Variants in AMMECR1 observed in about 807,000 individuals in gnomAD.
The protein encoded by AMMECR1 is nuclear protein AMMECR1.
AMMECR1 carries 3 observed loss-of-function variants against 22.5 expected under a neutral mutation model. The ratio of observed to expected loss-of-function variants is 0.13; its 90% CI spans 0.06 to 0.35. The LOEUF (loss-of-function observed/expected upper bound fraction) is 0.35, where lower values mean the gene tolerates loss of function less well. Among genes scored for constraint, AMMECR1 ranks in the 10% least tolerant of loss-of-function variants. The pLI, the probability that AMMECR1 is intolerant of heterozygous loss-of-function variation, is 1.00. For synonymous variants in AMMECR1, 130 were observed against 116.7 expected, an observed-to-expected ratio of 1.11 and a Z score of -0.74; for missense variants, 235 against 278.7, an observed-to-expected ratio of 0.84 and a Z score of 1.12.
chrX:110,339,972 A>T (rs1239519427), intron 2 of AMMECR1, among the ~76,000 whole-genome samples: 1 of 86,797 alleles, frequency 1.2e-5, no homozygotes, highest in Non-Finnish European at 2.1e-5. Context: ...AAGGCAAAAC[A>T]TACACACACA....
At chrX:110,426,179 T>C (rs1440405066) in intron 2 of AMMECR1, among the ~76,000 whole-genome samples, 4 of 112,464 alleles carry the variant, frequency 3.6e-5, no homozygotes, top group African/African-American at 1.3e-4. Flanking sequence ...GTGAGCAAAG[T>C]GTTTCAAATG....
At chrX:110,330,434 A>G (rs745831768) in intron 2 of AMMECR1, among the ~76,000 whole-genome samples, 4 of 111,671 alleles carry the variant, frequency 3.6e-5, no homozygotes, top group Non-Finnish European at 5.6e-5. Flanking sequence ...ACCCCTTCCA[A>G]TCCTCAAACT....
chrX:110,429,616 G>T (rs1039523980), intron 1 of AMMECR1, among the ~76,000 whole-genome samples: 1 of 109,917 alleles, frequency 9.1e-6, no homozygotes, highest in South Asian at 3.9e-4. Context: ...CCAAGTAGCT[G>T]GGATTACGGG....
At chrX:110,339,802 T>C (rs184350362) in intron 2 of AMMECR1, among the ~76,000 whole-genome samples, 1 of 112,058 alleles carries the variant, frequency 8.9e-6, no homozygotes, top group Non-Finnish European at 1.9e-5. Context: ...GGCCTGAACG[T>C]GATTTTATAA....
chrX:110,431,494 A>G (rs1332159472), intron 1 of AMMECR1, among the ~76,000 whole-genome samples: 1 of 109,760 alleles, frequency 9.1e-6, no homozygotes, highest in Non-Finnish European at 1.9e-5. Context: ...CTTTATATAA[A>G]CAATTTGCCT....
intron 1 of AMMECR1, among the ~76,000 whole-genome samples, chrX:110,284,892 GA>G (rs764766370): frequency 8.9e-6 from 1 of 112,006 alleles, no homozygotes; most frequent in East Asian, 2.8e-4. Context: ...TTGGAGCTAA[GA>G]AAATTCAAGC....
At chrX:110,250,134 A>ATT (rs2067679752) in intron 2 of AMMECR1, among the ~76,000 whole-genome samples, 2 of 112,344 alleles carry the variant, frequency 1.8e-5, no homozygotes, top group East Asian at 5.5e-4. Context: ...GTTCCTTGAA[A>ATT]TTGTATGCTT....
intron 2 of AMMECR1, among the ~76,000 whole-genome samples, chrX:110,377,941 G>A (rs1037321783): frequency 1.2e-4 from 12 of 101,032 alleles, no homozygotes; most frequent in Non-Finnish European, 2.4e-4. Flanking sequence ...CCCGGGAGGC[G>A]GAGCTTGCAG....
intron 1 of AMMECR1, among the ~76,000 whole-genome samples, chrX:110,270,290 GT>G (rs1465295929): frequency 3.6e-5 from 4 of 111,700 alleles, no homozygotes; most frequent in Non-Finnish European, 7.5e-5. Flanking sequence ...ATAGTTTAAA[GT>G]GTATATAACA....
intron 1 of AMMECR1, among the ~76,000 whole-genome samples, chrX:110,281,910 C>T (rs909674851): frequency 3.6e-5 from 4 of 112,283 alleles, no homozygotes; most frequent in Middle Eastern, 4.2e-3. Context: ...TCTTTTTGCA[C>T]GGTCCTATTC....
chrX:110,219,980 G>A (rs185819648), intron 2 of AMMECR1, among the ~76,000 whole-genome samples: 28 of 112,032 alleles, frequency 2.5e-4, no homozygotes, highest in African/African-American at 9.1e-4. Context: ...AAATACAGCT[G>A]GAGACTGACC....
chrX:110,410,785 T>C (rs973233085), intron 2 of AMMECR1, among the ~76,000 whole-genome samples: 1 of 111,496 alleles, frequency 9.0e-6, no homozygotes, highest in Non-Finnish European at 1.9e-5. Context: ...GGATCCTAGA[T>C]ATGTCGTAGC....
rs775934642 is a variant in AMMECR1, at chrX:110,258,568, A to G, written c.584+5921T>C. ...TATAAGTTTTAGGACTCAGGCCATC[A>G]TCTCTTTTATAAAAAGGCAAAAAAT... On this transcript the variant is annotated intron_variant, in intron 2 of 5. Coordinates refer to ENST00000262844, the MANE Select transcript of AMMECR1 (RefSeq NM_015365.3). Among the ~76,000 whole-genome samples, 154 of 112,303 alleles carry G rather than the reference A, an allele frequency of 1.4e-3. 2 individuals are homozygous for G. The highest frequency in any genetic ancestry group is 4.8e-3 in the African/African-American group (150 of 30,965).
chrX:110,300,991 T>C (rs1052755202), intron 1 of AMMECR1, among the ~76,000 whole-genome samples: 1 of 112,036 alleles, frequency 8.9e-6, no homozygotes, highest in Non-Finnish European at 1.9e-5. Flanking sequence ...CAGTGACAGT[T>C]CTTATTGATT....
At chrX:110,275,784 G>A (rs1277676917) in intron 1 of AMMECR1, among the ~76,000 whole-genome samples, 1 of 110,972 alleles carries the variant, frequency 9.0e-6, no homozygotes, top group Non-Finnish European at 1.9e-5. Context: ...GAGCTGACAT[G>A]GTGCCATTGC....
intron 1 of AMMECR1, among the ~76,000 whole-genome samples, chrX:110,427,848 T>C (rs1438898008): frequency 1.8e-5 from 2 of 112,066 alleles, no homozygotes; most frequent in African/African-American, 6.5e-5. Flanking sequence ...GTCTCTTACC[T>C]CTGTGCATTT....
chrX:110,391,712 C>A (rs763622390), intron 2 of AMMECR1, among the ~76,000 whole-genome samples: 2 of 112,268 alleles, frequency 1.8e-5, no homozygotes, highest in Admixed American at 9.4e-5. Flanking sequence ...TCTATATATA[C>A]AAAGCCATAA....
intron 5 of AMMECR1, 112 bp downstream of exon 5, chrX:110,200,842 C>T: frequency 1.9e-6 from 1 of 527,085 alleles, no homozygotes; most frequent in East Asian, 3.4e-5. Flanking sequence ...TTCATTTCCA[C>T]TCTGTTTCAG....
intron 3 of AMMECR1, among the ~76,000 whole-genome samples, chrX:110,214,118 C>G (rs943198374): frequency 9.1e-6 from 1 of 110,405 alleles, no homozygotes; most frequent in African/African-American, 3.3e-5. Flanking sequence ...AAAAAATTAG[C>G]CAGTCATAGT....
Sources: gnomAD v4.1 joint callset for allele counts (sites outside exome capture counted in the v4.1 genomes callset) on GRCh38, gnomAD v4.1.1 for gene constraint, MANE v1.5 for transcripts, NCBI Gene and HGNC (gene_info 2026-07-23, HGNC 2026-07-21) for gene names.